Variants in LRRC4C observed in about 807,000 individuals in gnomAD.
The protein encoded by LRRC4C is leucine-rich repeat-containing protein 4C.
LRRC4C carries 5 observed loss-of-function variants against 33.6 expected under a neutral mutation model. The observed-to-expected ratio is 0.15, with a 90% CI of 0.08 to 0.31. The LOEUF (loss-of-function observed/expected upper bound fraction) is 0.31. Among genes scored for constraint, LRRC4C ranks in the 10% least tolerant of loss-of-function variants. The probability of loss-of-function intolerance (pLI) is 1.00; values close to 1 mark genes in which losing one functional copy is unlikely to be tolerated. For missense variants in LRRC4C, 560 were observed against 796.7 expected (o/e 0.70, Z 3.58); for synonymous variants, 329 against 302.0 (o/e 1.09, Z -0.93).
At chr11:41,372,278 C>T (rs1003788568) in intron 1 of LRRC4C, among the ~76,000 whole-genome samples, 11 of 152,180 alleles carry the variant, frequency 7.2e-5, no homozygotes, top group Non-Finnish European at 1.3e-4. Context: ...TAAGTAACCA[C>T]GAATGGAAAG....
intron 2 of LRRC4C, among the ~76,000 whole-genome samples, chr11:40,731,198 A>T (rs1591573017): frequency 6.6e-6 from 1 of 152,010 alleles, no homozygotes; most frequent in Admixed American, 6.5e-5. Context: ...AAGTGCCTGT[A>T]GTCCCAGCTA....
intron 1 of LRRC4C, among the ~76,000 whole-genome samples, chr11:41,292,015 C>T (rs912688795): frequency 1.3e-5 from 2 of 152,006 alleles, no homozygotes; most frequent in African/African-American, 2.4e-5. Context: ...AGTTTGAAAC[C>T]CCTTCCCGAA....
At chr11:40,582,391 G>C (rs1410171792) in intron 3 of LRRC4C, among the ~76,000 whole-genome samples, 1 of 151,888 alleles carries the variant, frequency 6.6e-6, no homozygotes, top group African/African-American at 2.4e-5. Context: ...AATAAAAAAA[G>C]TAATTGCCTG....
intron 2 of LRRC4C, among the ~76,000 whole-genome samples, chr11:40,702,101 T>C (rs1255124291): frequency 1.3e-5 from 2 of 152,104 alleles, no homozygotes; most frequent in East Asian, 3.9e-4. Flanking sequence ...GTTACTATTA[T>C]TAAAAGGTTT....
At chr11:40,165,068 T>C (rs148422213) in intron 5 of LRRC4C, among the ~76,000 whole-genome samples, 51 of 152,338 alleles carry the variant, frequency 3.3e-4, no homozygotes, top group African/African-American at 1.2e-3. Flanking sequence ...CATATGAATA[T>C]ATCCTCAAGG....
At chr11:40,944,392 T>A (rs1958295855) in intron 1 of LRRC4C, among the ~76,000 whole-genome samples, 1 of 152,104 alleles carries the variant, frequency 6.6e-6, no homozygotes. Context: ...CACAGAAAAT[T>A]ATAAATCTGC....
chr11:40,748,242 T>A (rs185435489), intron 2 of LRRC4C, among the ~76,000 whole-genome samples: 37 of 152,074 alleles, frequency 2.4e-4, no homozygotes, highest in Non-Finnish European at 4.6e-4. Flanking sequence ...CAGCAAAGAA[T>A]AGGATAATAT....
Position 40,309,515 on chromosome 11 carries a change from A to ATTTT in LRRC4C, c.-176+10109_-176+10112dup, listed in dbSNP as rs72004575. ...ACAGAGAAGAAAGGAGCAGAAGTGT[A>ATTTT]TTTTTTTTTTTTTTGAGACAGTATC... On this transcript the variant is annotated intron_variant, in intron 4 of 6. Transcript: ENST00000528697. 1.5e-3 allele frequency among the ~76,000 whole-genome samples: 225 copies of ATTTT among 146,022 alleles called. 7 individuals are homozygous for ATTTT. In the East Asian group the frequency reaches 0.039, roughly 26 times the overall value.
chr11:40,756,986 T>G (rs755509926), intron 2 of LRRC4C, among the ~76,000 whole-genome samples: 1 of 152,072 alleles, frequency 6.6e-6, no homozygotes, highest in Non-Finnish European at 1.5e-5. Flanking sequence ...TTAAACGTAG[T>G]AGCATCCTTT....
At chr11:40,244,753 G>A (rs1284652191) in intron 4 of LRRC4C, among the ~76,000 whole-genome samples, 1 of 151,704 alleles carries the variant, frequency 6.6e-6, no homozygotes, top group East Asian at 1.9e-4. Flanking sequence ...TGGCCCTGAA[G>A]TACACGTTAT....
chr11:40,566,963 T>G (rs111630361), intron 3 of LRRC4C, among the ~76,000 whole-genome samples: 1 of 152,146 alleles, frequency 6.6e-6, no homozygotes, highest in South Asian at 2.1e-4. Flanking sequence ...TTTATACTAG[T>G]CATCTGTTTG....
At chr11:40,752,478 G>A (rs1396631548) in intron 2 of LRRC4C, among the ~76,000 whole-genome samples, 1 of 151,684 alleles carries the variant, frequency 6.6e-6, no homozygotes, top group Non-Finnish European at 1.5e-5. Flanking sequence ...ACACACAAAT[G>A]ACCAACAGGT....
chr11:40,852,442 T>G (rs1295326169), intron 2 of LRRC4C, among the ~76,000 whole-genome samples: 1 of 152,238 alleles, frequency 6.6e-6, no homozygotes, highest in Non-Finnish European at 1.5e-5. Flanking sequence ...ATTACTAAAT[T>G]AAAAGTTAAA....
chr11:41,335,881 G>A (rs1591295051), intron 1 of LRRC4C, among the ~76,000 whole-genome samples: 1 of 152,162 alleles, frequency 6.6e-6, no homozygotes, highest in Non-Finnish European at 1.5e-5. Context: ...AGCCCTAGAG[G>A]AAAGGGAGCA....
At chr11:40,858,752 ACTAAG>A (rs1228016391) in intron 2 of LRRC4C, among the ~76,000 whole-genome samples, 6 of 150,484 alleles carry the variant, frequency 4.0e-5, no homozygotes, top group Non-Finnish European at 7.4e-5. Flanking sequence ...AGACATTGGG[ACTAAG>A]CTTATATTCT....
intron 2 of LRRC4C, among the ~76,000 whole-genome samples, chr11:40,686,028 C>T (rs1944934430): frequency 1.3e-5 from 2 of 151,718 alleles, no homozygotes. Context: ...AGATAAACTA[C>T]TTCTATGGCC....
chr11:40,332,303 T>A (rs1946398058), intron 3 of LRRC4C, among the ~76,000 whole-genome samples: 1 of 152,184 alleles, frequency 6.6e-6, no homozygotes, highest in Admixed American at 6.5e-5. Context: ...ATCCCTTGGT[T>A]TGTGGCACCT....
intron 5 of LRRC4C, among the ~76,000 whole-genome samples, chr11:40,208,252 C>T (rs1201227778): frequency 6.6e-6 from 1 of 152,140 alleles, no homozygotes; most frequent in Non-Finnish European, 1.5e-5. Context: ...TACAAAATTA[C>T]ATGGAGTAAA....
intron 1 of LRRC4C, among the ~76,000 whole-genome samples, chr11:41,370,231 T>C (rs1952693853): frequency 6.6e-6 from 1 of 152,148 alleles, no homozygotes; most frequent in Admixed American, 6.5e-5. Flanking sequence ...CCCACCAGGC[T>C]GAAGTACAGT....
Sources: gnomAD v4.1 joint callset for allele counts (sites outside exome capture counted in the v4.1 genomes callset) on GRCh38, gnomAD v4.1.1 for gene constraint, MANE v1.5 for transcripts, NCBI Gene and HGNC (gene_info 2026-07-23, HGNC 2026-07-21) for gene names.